BRD10: variants seen among roughly 807,000 people sequenced by gnomAD.
BRD10 encodes bromodomain containing 10.
At chr9:5,954,168 G>C in the BRD10 span, 1 of 794,064 alleles carries the variant, frequency 1.3e-6, no homozygotes, top group Non-Finnish European at 2.1e-6. Context: ...AAATTACGCA[G>C]ATCCTTGAAA....
At chr9:5,953,414 C>T in the BRD10 span, among the ~76,000 whole-genome samples, 1 of 152,226 alleles carries the variant, frequency 6.6e-6, no homozygotes, top group African/African-American at 2.4e-5. Flanking sequence ...AAATAAAAAA[C>T]TCTTCACTTA....
At chr9:5,955,347 A>G in the BRD10 span, among the ~76,000 whole-genome samples, 1 of 152,220 alleles carries the variant, frequency 6.6e-6, no homozygotes, top group Non-Finnish European at 1.5e-5. Context: ...TTTTTAGTTC[A>G]CAATCATTTG....
chr9:5,927,542 T>G, the BRD10 span, among the ~76,000 whole-genome samples: 2 of 152,162 alleles, frequency 1.3e-5, no homozygotes, highest in African/African-American at 4.8e-5. Context: ...TCTCCCCTAA[T>G]TCTCCTGAAT....
chr9:5,891,810 C>T, the BRD10 span, among the ~76,000 whole-genome samples: 1 of 152,198 alleles, frequency 6.6e-6, no homozygotes, highest in Non-Finnish European at 1.5e-5. Context: ...AAGTCAGGTC[C>T]TGGGCTTCCT....
the BRD10 span, among the ~76,000 whole-genome samples, chr9:5,999,582 A>G: frequency 6.6e-6 from 1 of 152,134 alleles, no homozygotes; most frequent in African/African-American, 2.4e-5. Context: ...TTAGCACAGC[A>G]TATTAGGCCC....
At chr9:6,007,919 G>C in the BRD10 span, 1 of 1,336,478 alleles carries the variant, frequency 7.5e-7, no homozygotes, top group Non-Finnish European at 9.5e-7. Context: ...GCTCTCCTCA[G>C]CCGCCGGCTC....
chr9:5,951,078 C>CACACA, the BRD10 span, among the ~76,000 whole-genome samples: 2 of 136,126 alleles, frequency 1.5e-5, no homozygotes, highest in Non-Finnish European at 3.2e-5. Flanking sequence ...ACACACACAC[C>CACACA]CCCACCCCAC....
At chr9:5,980,686 G>C in the BRD10 span, among the ~76,000 whole-genome samples, 1 of 152,004 alleles carries the variant, frequency 6.6e-6, no homozygotes, top group East Asian at 1.9e-4. Flanking sequence ...TGTATATAGA[G>C]AGAGAGAGAG....
the BRD10 span, chr9:5,929,138 G>C: frequency 6.3e-7 from 1 of 1,586,880 alleles, no homozygotes; most frequent in South Asian, 1.1e-5. Flanking sequence ...TTTACAGCTT[G>C]CCTCCGATGA....
chr9:5,991,180 G>GTA, the BRD10 span, among the ~76,000 whole-genome samples: 770 of 150,316 alleles, frequency 5.1e-3, 9 homozygotes, highest in East Asian at 0.021. Context: ...GTGTGTGTGT[G>GTA]TATATATATA....
the BRD10 span, among the ~76,000 whole-genome samples, chr9:5,959,411 G>A: frequency 1.3e-5 from 2 of 151,988 alleles, no homozygotes; most frequent in Non-Finnish European, 1.5e-5. Flanking sequence ...TGTAATAATG[G>A]GGAATAATAG....
the BRD10 span, among the ~76,000 whole-genome samples, chr9:6,005,664 C>A: frequency 1.3e-5 from 2 of 152,184 alleles, no homozygotes; most frequent in African/African-American, 2.4e-5. Context: ...CTCTAAGGTT[C>A]TTCCAGGTCT....
the BRD10 span, chr9:5,953,915 A>G: frequency 3.6e-4 from 249 of 698,598 alleles, 1 homozygote; most frequent in Middle Eastern, 8.3e-3. Flanking sequence ...ATTACAAGTA[A>G]GTGTGCTACA....
chr9:5,957,736 AC>A, the BRD10 span, among the ~76,000 whole-genome samples: 1 of 152,302 alleles, frequency 6.6e-6, no homozygotes, highest in South Asian at 2.1e-4. Context: ...CCTGAAAAAA[AC>A]AATTTCAGTA....
chr9:5,946,861 G>A, the BRD10 span, among the ~76,000 whole-genome samples: 3 of 151,960 alleles, frequency 2.0e-5, no homozygotes, highest in African/African-American at 7.2e-5. Flanking sequence ...AACTAAACAT[G>A]CCCTAAAACA....
At chr9:5,998,707 A>G in the BRD10 span, among the ~76,000 whole-genome samples, 37 of 152,092 alleles carry the variant, frequency 2.4e-4, no homozygotes, top group Non-Finnish European at 4.1e-4. Context: ...GATTTCAGTT[A>G]TCCTATAATT....
chr9:5,879,690 C>G, the BRD10 span, among the ~76,000 whole-genome samples: 26 of 152,252 alleles, frequency 1.7e-4, no homozygotes, highest in African/African-American at 5.8e-4. Context: ...ATTAAATGAG[C>G]TCAGGGATGA....
At chr9:5,966,849 T>C in the BRD10 span, among the ~76,000 whole-genome samples, 1 of 152,204 alleles carries the variant, frequency 6.6e-6, no homozygotes, top group Non-Finnish European at 1.5e-5. Flanking sequence ...ACAAGGCTTA[T>C]TTCTAAAAGT....
the BRD10 span, among the ~76,000 whole-genome samples, chr9:5,978,944 C>T: frequency 6.6e-6 from 1 of 152,144 alleles, no homozygotes. Flanking sequence ...GGCATCTATC[C>T]TGGGAAGTTA....
Sources: allele counts gnomAD v4.1 joint callset (sites outside exome capture counted in the v4.1 genomes callset), GRCh38; gene constraint gnomAD v4.1.1; transcripts MANE v1.5; gene names NCBI Gene and HGNC (gene_info 2026-07-23, HGNC 2026-07-21).